KIF1B: variants seen among roughly 807,000 people sequenced by gnomAD.
KIF1B encodes kinesin family member 1B.
Under a neutral mutation model 241.9 loss-of-function variants are expected in KIF1B, and 76 were observed. The ratio of observed to expected loss-of-function variants is 0.31; its 90% CI spans 0.26 to 0.38. The LOEUF (loss-of-function observed/expected upper bound fraction) is 0.38. KIF1B is among the 10% of genes least tolerant of loss of function. KIF1B has a pLI of 1.00. For synonymous variants in KIF1B, 750 were observed against 796.7 expected (o/e 0.94, Z 0.99); for missense variants, 1,622 against 2,271.4 (o/e 0.71, Z 5.81).
intron 17 of KIF1B, among the ~76,000 whole-genome samples, chr1:10,293,326 T>G (rs893104208): frequency 1.3e-5 from 2 of 152,092 alleles, no homozygotes; most frequent in Admixed American, 1.3e-4. Context: ...TGGAATTTAA[T>G]TGTGCCTATG....
intron 5 of KIF1B, among the ~76,000 whole-genome samples, chr1:10,262,903 T>C (rs1648227779): frequency 3.9e-5 from 6 of 152,176 alleles, no homozygotes; most frequent in Non-Finnish European, 1.5e-5. Context: ...GGAAAGTAAT[T>C]ATCCATCCTG....
chr1:10,288,119 G>T (rs537619998), intron 15 of KIF1B, among the ~76,000 whole-genome samples: 1 of 152,000 alleles, frequency 6.6e-6, no homozygotes, highest in African/African-American at 2.4e-5. Flanking sequence ...GGGTGGGGCT[G>T]GGAGGAAAAG....
intron 5 of KIF1B, among the ~76,000 whole-genome samples, chr1:10,267,077 G>T (rs1327374206): frequency 6.6e-6 from 1 of 151,900 alleles, no homozygotes; most frequent in East Asian, 1.9e-4. Context: ...AAGTGCAGGG[G>T]TGTGATATCG....
chr1:10,283,229 AAAGAT>A (rs1249099782), intron 15 of KIF1B, among the ~76,000 whole-genome samples: 19,170 of 132,078 alleles, frequency 0.15, 2,331 homozygotes, highest in Non-Finnish European at 0.21. Flanking sequence ...AAAAAAAAAA[AAAGAT>A]AAAGTTAGAA....
At chr1:10,298,022 T>A (rs1372717394) in intron 22 of KIF1B, among the ~76,000 whole-genome samples, 1 of 152,254 alleles carries the variant, frequency 6.6e-6, no homozygotes, top group Non-Finnish European at 1.5e-5. Context: ...ATAAATAAGT[T>A]GATCCATTAG....
At chr1:10,284,491 G>C (rs1052323959) in intron 15 of KIF1B, among the ~76,000 whole-genome samples, 1 of 152,070 alleles carries the variant, frequency 6.6e-6, no homozygotes, top group Non-Finnish European at 1.5e-5. Context: ...TTCAAGACCA[G>C]CCTGGCCAAC....
chr1:10,333,555 G>A (rs998589847), intron 27 of KIF1B, among the ~76,000 whole-genome samples: 7 of 151,738 alleles, frequency 4.6e-5, no homozygotes, highest in Non-Finnish European at 1.0e-4. Flanking sequence ...AGCTGGGCAT[G>A]GTGGCGGGCG....
At chr1:10,336,305 C>T (rs1271986359) in intron 28 of KIF1B, among the ~76,000 whole-genome samples, 8 of 152,120 alleles carry the variant, frequency 5.3e-5, no homozygotes, top group East Asian at 1.9e-4. Flanking sequence ...CCCGCCACCA[C>T]GCCCGGCTAA....
intron 17 of KIF1B, chr1:10,292,366 G>A (rs1167526249): frequency 4.4e-6 from 2 of 457,110 alleles, no homozygotes; most frequent in Non-Finnish European, 7.9e-6. Context: ...TGTAACCTTT[G>A]GCCATGATTC....
Position 10,374,568 on chromosome 1 carries a change from C to A in KIF1B, c.5096+103C>A. Reference sequence around the variant, plus strand: ...GTGAGGTCTGTACTGTAGTCTGATGCAATCTGTACTGTAGTCTGATGCAAG... The same window carrying A: ...GTGAGGTCTGTACTGTAGTCTGATGAAATCTGTACTGTAGTCTGATGCAAG... On this transcript the variant is annotated intron_variant, in intron 46 of 48. Transcript: ENST00000676179. The surrounding 1 kb of genome is among the most constrained non-coding windows in gnomAD (Gnocchi z 4.3). 1 of 1,328,106 alleles carries A rather than the reference C, an allele frequency of 7.5e-7. No individual in the cohort carries two copies. Among genetic ancestry groups the A allele is most frequent in the Non-Finnish European group, 1.1e-6 (1 of 927,598 alleles). 82.3% of individuals were successfully genotyped at this position (1,328,106 alleles called of 1,614,324 possible).
Position 10,268,230 on chromosome 1 carries a change from A to G in KIF1B, c.687A>G (p.Lys229=), listed in dbSNP as rs770982802. 6.2e-6 allele frequency: 10 copies of G among 1,613,598 alleles called. No individual in the cohort carries two copies. In the South Asian group the frequency reaches 1.1e-4, roughly 18 times the overall value. The change falls in exon 7 of 49, where the codon AAA becomes AAG. Residue 229 remains lysine (K), a synonymous_variant. Transcript: ENST00000676179. ...TTACGATTGTTTTCACCCAGAAGAAACACGATAATGAGACCAACCTTTCCA... is the reference window on the plus strand; with the variant it reads ...TTACGATTGTTTTCACCCAGAAGAAGCACGATAATGAGACCAACCTTTCCA... The part of the protein sequence containing the change: ...AVFTIVFTQK[K]HDNETNLSTE...
At chr1:10,215,766 T>C (rs1204616427) in intron 1 of KIF1B, among the ~76,000 whole-genome samples, 1 of 151,934 alleles carries the variant, frequency 6.6e-6, no homozygotes, top group Non-Finnish European at 1.5e-5. Context: ...TTGCCCAGCC[T>C]GGTCTTGAAC....
rs1401632609 is a variant in KIF1B at position 10,379,947 on chromosome 1, G to A, written c.*3360G>A. On this transcript the variant is annotated 3_prime_UTR_variant, in exon 49 of 49. Transcript: ENST00000676179. ...CCAGCTCGTTGTTAAACGTGCTGACGGCAAGGGGCAATGGAGTGAGTTTCC... is the reference window on the plus strand; with the variant it reads ...CCAGCTCGTTGTTAAACGTGCTGACAGCAAGGGGCAATGGAGTGAGTTTCC... The A allele has an allele frequency of 9.1e-5, 21 of 229,514 alleles. No homozygotes were observed. The Admixed American group carries it at 9.7e-4, about 11-fold the overall frequency. 14.2% of individuals were successfully genotyped at this position (229,514 alleles called of 1,614,324 possible).
chr1:10,337,242 G>A lies in KIF1B; in HGVS notation c.3259+39G>A, dbSNP rs917462320. 12 of 1,613,752 alleles carry A rather than the reference G, an allele frequency of 7.4e-6. No homozygotes were observed. The highest frequency in any genetic ancestry group is 1.1e-5 in the South Asian group (1 of 90,986). On this transcript the variant is annotated intron_variant, in intron 30 of 48. Coordinates refer to ENST00000676179, the MANE Select transcript of KIF1B (RefSeq NM_001365951.3). The surrounding 1 kb of genome is among the most constrained non-coding windows in gnomAD (Gnocchi z 4.0). ...GTTTACTGTGCTTGGGGACATTTTC[G>A]ACAAAGGGAAAATATTGACCATTAT... is the stretch of plus-strand genomic sequence containing the variant.
At position 10,241,219 on chromosome 1, in the gene KIF1B, C is replaced by T. The variant is rs550070338; in HGVS notation, c.106+8785C>T. The stretch of plus-strand genomic sequence containing the variant: ...CTCAACCTCCTGGGGCCAAGTGATC[C>T]GCCTACCTCACTCCCCTAGTAGCTG... On this transcript the variant is annotated intron_variant, in intron 2 of 48. Transcript: ENST00000676179. 7.0e-4 allele frequency among the ~76,000 whole-genome samples: 106 copies of T among 152,126 alleles called. 1 individual carries two copies. The highest frequency in any genetic ancestry group is 2.2e-3 in the African/African-American group (91 of 41,498).
At chr1:10,330,693 T>G (rs1020314032) in intron 27 of KIF1B, among the ~76,000 whole-genome samples, 4 of 152,198 alleles carry the variant, frequency 2.6e-5, no homozygotes, top group African/African-American at 9.7e-5. Flanking sequence ...AGGCAAATCA[T>G]TTTCCTGTTC....
Position 10,271,496 on chromosome 1 carries a change from TATC to T in KIF1B, c.721-4_721-2del. On this transcript the variant is annotated splice_region_variant and splice_polypyrimidine_tract_variant and intron_variant, in intron 7 of 48. Coordinates refer to ENST00000676179, the MANE Select transcript of KIF1B (RefSeq NM_001365951.3). ...GAATTGCCCCCATGTTATTGTTCTT[TATC>T]AGGTCAGTAAAATCAGCTTGGTGGA... 6.2e-7 allele frequency: 1 copy of T among 1,608,750 alleles called. No homozygotes were observed. The highest frequency in any genetic ancestry group is 8.5e-7 in the Non-Finnish European group (1 of 1,175,020).
rs113957578 is a variant in KIF1B at position 10,244,939 on chromosome 1, A to C, written c.107-11308A>C. 1.5e-3 allele frequency among the ~76,000 whole-genome samples: 235 copies of C among 152,304 alleles called. 1 individual carries two copies. Among genetic ancestry groups the C allele is most frequent in the African/African-American group, 5.4e-3 (226 of 41,574 alleles). On this transcript the variant is annotated intron_variant, in intron 2 of 48. Coordinates refer to ENST00000676179, the MANE Select transcript of KIF1B (RefSeq NM_001365951.3). ...CATTTTTCTTAATTGTTGCTCTAGG[A>C]GGCTTTTAGAGCGGAAGATTGTGCT... is the stretch of plus-strand genomic sequence containing the variant.
intron 34 of KIF1B, chr1:10,344,660 A>G (rs372591178): frequency 1.9e-4 from 29 of 152,186 alleles, no homozygotes; most frequent in African/African-American, 7.0e-4. Flanking sequence ...CTTTCTGACT[A>G]GCATCACCAA....
Sources: gnomAD v4.1 joint callset for allele counts (sites outside exome capture counted in the v4.1 genomes callset) on GRCh38, gnomAD v4.1.1 for gene constraint, Gnocchi (gnomAD v3.1) non-coding constraint, MANE v1.5 for transcripts, NCBI Gene and HGNC (gene_info 2026-07-23, HGNC 2026-07-21) for gene names.